Variants in FBN2 observed in about 807,000 individuals in gnomAD.
FBN2 encodes the protein fibrillin-2.
Under a neutral mutation model 355.6 loss-of-function variants are expected in FBN2, and 105 were observed. The observed-to-expected ratio is 0.30, with a 90% CI of 0.25 to 0.35. The LOEUF is 0.35. Among genes scored for constraint, FBN2 ranks in the 10% least tolerant of loss-of-function variants. FBN2 has a pLI of 1.00. For missense variants in FBN2, 3,280 were observed against 3,758.7 expected, an observed-to-expected ratio of 0.87 and a Z score of 3.33; for synonymous variants, 1,350 against 1,301.2, an observed-to-expected ratio of 1.04 and a Z score of -0.81.
intron 20 of FBN2, among the ~76,000 whole-genome samples, chr5:128,356,483 T>C (rs1048267373): frequency 1.3e-5 from 2 of 152,272 alleles, no homozygotes; most frequent in Non-Finnish European, 2.9e-5. Context: ...AACTGAAATA[T>C]CTTCCTATTT....
Position 128,536,454 on chromosome 5 carries a change from G to A in FBN2, c.285C>T (p.Ser95=). ...GPNVCGSRFH[S]YCCPGWKTLP... ...GCGTCTTCCATCCAGGGCAGCAGTA[G>A]GAGTGGAATCTGGAGCCGCACACGT... Residue 95 remains serine, a synonymous_variant, in exon 2 of 65, where the codon TCC becomes TCT. Coordinates refer to ENST00000262464, the MANE Select transcript of FBN2 (RefSeq NM_001999.4). 16 of 1,614,082 alleles carry A rather than the reference G, an allele frequency of 9.9e-6. No homozygotes were observed. The highest frequency in any genetic ancestry group is 1.4e-5 in the Non-Finnish European group (16 of 1,179,992).
intron 7 of FBN2, among the ~76,000 whole-genome samples, chr5:128,409,029 C>A (rs1050555198): frequency 6.6e-6 from 1 of 152,032 alleles, no homozygotes; most frequent in Middle Eastern, 3.2e-3. Context: ...TAAAGCAGAA[C>A]TCTATACCCT....
chr5:128,299,531 G>C (rs879166079), intron 48 of FBN2, among the ~76,000 whole-genome samples: 82 of 151,970 alleles, frequency 5.4e-4, no homozygotes, highest in Non-Finnish European at 1.1e-3. Context: ...CTGGTGCGCC[G>C]TTTTTTAAGC....
intron 4 of FBN2, among the ~76,000 whole-genome samples, chr5:128,526,242 A>T (rs867810799): frequency 6.6e-6 from 1 of 152,144 alleles, no homozygotes; most frequent in Admixed American, 6.6e-5. Context: ...AGAAAAAAAA[A>T]CAGAAAATAA....
At chr5:128,517,636 T>G (rs1756316398) in intron 5 of FBN2, among the ~76,000 whole-genome samples, 1 of 152,190 alleles carries the variant, frequency 6.6e-6, no homozygotes, top group Non-Finnish European at 1.5e-5. Flanking sequence ...AAAAAGATTT[T>G]ACTTTTCAAA....
At chr5:128,488,237 C>T (rs900665224) in intron 5 of FBN2, among the ~76,000 whole-genome samples, 5 of 152,108 alleles carry the variant, frequency 3.3e-5, no homozygotes, top group African/African-American at 1.2e-4. Context: ...TTCACTGAAA[C>T]ACTAAATCTT....
At chr5:128,439,982 C>A (rs1315132097) in intron 7 of FBN2, among the ~76,000 whole-genome samples, 2 of 151,866 alleles carry the variant, frequency 1.3e-5, no homozygotes, top group Non-Finnish European at 2.9e-5. Context: ...CAAATAATAC[C>A]CTGTCATCTC....
At chr5:128,320,923 C>A (rs2126876358) in intron 34 of FBN2, among the ~76,000 whole-genome samples, 1 of 152,236 alleles carries the variant, frequency 6.6e-6, no homozygotes, top group East Asian at 1.9e-4. Flanking sequence ...AGAAAATTAG[C>A]ACTCATGTAT....
At chr5:128,318,760 GA>G in intron 35 of FBN2, 118 bp downstream of exon 35, 3 of 1,028,276 alleles carry the variant, frequency 2.9e-6, no homozygotes, top group Admixed American at 2.3e-5. Context: ...TTCTTTTTCT[GA>G]AAAATGTGTA....
At chr5:128,288,599 T>C (rs1414479183) in intron 52 of FBN2, 42 bp from the exon 53 acceptor site, 19 of 1,607,746 alleles carry the variant, frequency 1.2e-5, no homozygotes, top group Non-Finnish European at 1.5e-5. Context: ...GATGTTTTAG[T>C]TTAACAGGAG....
chr5:128,330,406 G>GT (rs1477240693), intron 33 of FBN2, among the ~76,000 whole-genome samples, 167 bp downstream of exon 33: 3 of 152,124 alleles, frequency 2.0e-5, no homozygotes, highest in Non-Finnish European at 2.9e-5. Context: ...AGTCATTCAG[G>GT]TTTTTGTGTT....
Position 128,349,462 on chromosome 5 carries a change from C to T in FBN2, c.2874G>A (p.Glu958=), listed in dbSNP as rs765859878. 31 of 1,613,832 alleles carry T rather than the reference C, an allele frequency of 1.9e-5. No homozygotes were observed. In the East Asian group the frequency reaches 6.9e-4, roughly 36 times the overall value. Residue 958 remains glutamate (E), a synonymous_variant, in exon 23 of 65, where the codon GAG becomes GAA. Transcript: ENST00000262464. ...IKGVTCEDVN[E]CEVFPGVCPN... is the part of the protein sequence containing the mutation. ...GACAAACGCCAGGGAACACCTCACACTCATTAACATCTGCAGGGAAATGCA... is the reference window on the plus strand; with the variant it reads ...GACAAACGCCAGGGAACACCTCACATTCATTAACATCTGCAGGGAAATGCA...
intron 56 of FBN2, among the ~76,000 whole-genome samples, 194 bp from the exon 57 acceptor site, chr5:128,279,035 T>C (rs770649247): frequency 3.9e-5 from 6 of 152,144 alleles, no homozygotes; most frequent in Non-Finnish European, 8.8e-5. Flanking sequence ...TCTATTAAAT[T>C]TGACAAAAAG....
chr5:128,497,258 A>G (rs1755679786), intron 5 of FBN2, among the ~76,000 whole-genome samples: 2 of 152,162 alleles, frequency 1.3e-5, no homozygotes, highest in South Asian at 2.1e-4. Context: ...AAAACTTAAC[A>G]ATGACACATG....
chr5:128,537,452 G>A lies in FBN2; in HGVS notation c.152C>T (p.Thr51Ile). The A allele has an allele frequency of 6.2e-7, 1 of 1,607,280 alleles. No homozygotes were observed. The highest frequency in any genetic ancestry group is 8.5e-7 in the Non-Finnish European group (1 of 1,178,098). ...QPPPQQVRSA[T>I]AGSEGGFLAP... The stretch of plus-strand genomic sequence containing the variant: ...TAGAAACCCGCCTTCAGAGCCTGCT[G>A]TAGCGGACCGAACCTGTTGCGGCGG... The change falls in exon 1 of 65, where the codon ACA becomes ATA. Residue 51 changes from threonine (T) to isoleucine (I), a missense_variant. Coordinates refer to ENST00000262464, the MANE Select transcript of FBN2 (RefSeq NM_001999.4).
rs1581207647 is a variant in FBN2, at chr5:128,311,348, C to T, written c.5026G>A (p.Glu1676Lys). Residue 1676 changes from glutamate (E) to lysine (K), a missense_variant, in exon 39 of 65, where the codon GAG becomes AAG. Physicochemically the swap from Glu to Lys is moderately conservative, Grantham distance 56 (BLOSUM62 1). Transcript: ENST00000262464. ...CINTFGSFQC[E>K]CPQGYYLSED... ...CTGAGGTAGTAGCCTTGTGGGCACT[C>T]ACACTGGAAGCTCCCAAAAGTGTTG... The T allele has an allele frequency of 6.2e-7, 1 of 1,613,984 alleles. No homozygotes were observed. The highest frequency in any genetic ancestry group is 1.7e-5 in the Admixed American group (1 of 59,992).
intron 38 of FBN2, among the ~76,000 whole-genome samples, chr5:128,311,627 T>A (rs1750060377): frequency 6.6e-6 from 1 of 152,202 alleles, no homozygotes; most frequent in Admixed American, 6.5e-5. Context: ...AGAAAATGAA[T>A]AAAGTTAAGT....
chr5:128,287,462 G>C (rs1462758079), intron 53 of FBN2, 32 bp from the exon 54 acceptor site: 1 of 1,612,620 alleles, frequency 6.2e-7, no homozygotes, highest in Admixed American at 1.7e-5. Context: ...AATGTGCTCA[G>C]CCTAGAGTTC....
intron 4 of FBN2, among the ~76,000 whole-genome samples, chr5:128,527,008 A>G (rs1319767012): frequency 6.6e-6 from 1 of 152,220 alleles, no homozygotes; most frequent in East Asian, 1.9e-4. Context: ...TGTTTAAAAA[A>G]GAGACCAGCA....
Sources: allele counts gnomAD v4.1 joint callset (sites outside exome capture counted in the v4.1 genomes callset), GRCh38; gene constraint gnomAD v4.1.1; transcripts MANE v1.5; gene names NCBI Gene and HGNC (gene_info 2026-07-23, HGNC 2026-07-21).